The following SLC9B1 variants were observed in gnomAD, a reference collection of about 807,000 sequenced individuals.
SLC9B1 encodes the protein solute carrier family 9 member B1.
A neutral mutation model predicts 51.7 loss-of-function variants in SLC9B1; 32 were observed. That is an observed-to-expected ratio of 0.62 (90% confidence interval 0.47 to 0.83). The LOEUF (loss-of-function observed/expected upper bound fraction) is 0.83, where lower values mean the gene tolerates loss of function less well. Ranked by LOEUF, SLC9B1 falls within the 40% of genes least tolerant of loss-of-function variation. The pLI is 0.00. For synonymous variants in SLC9B1, 145 were observed against 212.7 expected (o/e 0.68, Z 2.77); for missense variants, 406 against 613.2 (o/e 0.66, Z 3.57).
chr4:103,019,392 G>C (rs1459150386), intron 1 of SLC9B1, among the ~76,000 whole-genome samples: 1 of 152,220 alleles, frequency 6.6e-6, no homozygotes, highest in Non-Finnish European at 1.5e-5. Context: ...AGAGATGTGG[G>C]ATGACGGAGT....
chr4:102,965,134 A>C (rs1738354467), intron 3 of SLC9B1, among the ~76,000 whole-genome samples: 1 of 152,188 alleles, frequency 6.6e-6, no homozygotes, highest in Non-Finnish European at 1.5e-5. Context: ...CAGTACAAAG[A>C]TGAAATAAAG....
intron 1 of SLC9B1, among the ~76,000 whole-genome samples, chr4:102,992,486 C>T (rs917776763): frequency 6.6e-6 from 1 of 152,058 alleles, no homozygotes; most frequent in Admixed American, 6.5e-5. Context: ...AAAAGGAAAA[C>T]AATTTTAATA....
At chr4:102,946,201 A>G (rs1157069899) in intron 5 of SLC9B1, among the ~76,000 whole-genome samples, 1 of 152,246 alleles carries the variant, frequency 6.6e-6, no homozygotes. Context: ...AAGACCTTAC[A>G]ACACAGTCAA....
intron 6 of SLC9B1, among the ~76,000 whole-genome samples, chr4:102,939,327 T>C (rs376315900): frequency 2.7e-5 from 4 of 146,074 alleles, no homozygotes; most frequent in East Asian, 2.0e-4. Flanking sequence ...TTCCCAAGAT[T>C]GAACTAGGAA....
At chr4:102,955,835 AAGAG>A (rs200790469) in intron 3 of SLC9B1, among the ~76,000 whole-genome samples, 56 of 137,782 alleles carry the variant, frequency 4.1e-4, no homozygotes, top group South Asian at 6.9e-4. Context: ...GGAAGAAAGA[AAGAG>A]AGAGAGAAAG....
Position 102,937,260 on chromosome 4 carries a change from AC to A in SLC9B1, c.654-4962del, listed in dbSNP as rs547435338. Among the ~76,000 whole-genome samples the A allele has an allele frequency of 4.1e-3, 613 of 150,952 alleles. 3 individuals are homozygous for A. The highest frequency in any genetic ancestry group is 0.011 in the African/African-American group (456 of 41,180). On this transcript the variant is annotated intron_variant, in intron 6 of 11. Coordinates refer to ENST00000296422, the MANE Select transcript of SLC9B1 (RefSeq NM_139173.4). The stretch of plus-strand genomic sequence containing the variant: ...TGGGACTACAGGTGCGCACCACAAC[AC>A]CTGGCAATTTTTTGTAATTTTAGTA...
At chr4:102,908,072 T>G (rs1229630801) in intron 9 of SLC9B1, among the ~76,000 whole-genome samples, 7 of 152,288 alleles carry the variant, frequency 4.6e-5, no homozygotes, top group African/African-American at 1.7e-4. Context: ...AAAGAATATG[T>G]GTAGGAACAG....
intron 6 of SLC9B1, 111 bp downstream of exon 6, chr4:102,945,082 T>C (rs1328567565): frequency 1.6e-6 from 2 of 1,215,852 alleles, no homozygotes; most frequent in Non-Finnish European, 2.2e-6. Flanking sequence ...ATTTTAACAC[T>C]GAAACGAATT....
intron 7 of SLC9B1, among the ~76,000 whole-genome samples, chr4:102,925,896 C>T (rs1032404018): frequency 1.3e-5 from 2 of 152,130 alleles, no homozygotes; most frequent in African/African-American, 4.8e-5. Flanking sequence ...AGCTTATCCA[C>T]CACGATCAAG....
chr4:102,986,775 G>T (rs1416171164), intron 3 of SLC9B1, among the ~76,000 whole-genome samples: 1 of 152,036 alleles, frequency 6.6e-6, no homozygotes, highest in Admixed American at 6.6e-5. Context: ...CCCATCAAAG[G>T]CATTCTTCAT....
intron 1 of SLC9B1, among the ~76,000 whole-genome samples, chr4:103,011,986 C>G (rs1741108540): frequency 2.0e-5 from 3 of 152,238 alleles, no homozygotes; most frequent in Non-Finnish European, 4.4e-5. Flanking sequence ...CCATACTAAT[C>G]TGCTTATCAA....
At chr4:102,911,220 C>T (rs1188999589) in intron 8 of SLC9B1, among the ~76,000 whole-genome samples, 1 of 152,058 alleles carries the variant, frequency 6.6e-6, no homozygotes, top group Non-Finnish European at 1.5e-5. Context: ...TTTGATATTC[C>T]TTATTTGCCA....
At chr4:102,908,384 G>T (rs1416161927) in intron 9 of SLC9B1, among the ~76,000 whole-genome samples, 1 of 52,958 alleles carries the variant, frequency 1.9e-5, no homozygotes. Context: ...ATGTGTGTGT[G>T]TATAGATATA....
At position 102,885,207 on chromosome 4, in the gene SLC9B1, C is replaced by CA. The variant is rs1560905747; in HGVS notation, c.*25dup. ...AGCACTGCAGATTCTGACACATCTA[C>CA]ATGTTTAGTTTCAGAATGGCTTCGG... On this transcript the variant is annotated 3_prime_UTR_variant, in exon 12 of 12. Transcript: ENST00000394789. 9 of 1,608,924 alleles carry CA rather than the reference C, an allele frequency of 5.6e-6. No individual in the cohort carries two copies. The highest frequency in any genetic ancestry group is 6.8e-6 in the Non-Finnish European group (8 of 1,175,408).
intron 11 of SLC9B1, chr4:102,890,203 G>A (rs867480356): frequency 2.7e-4 from 41 of 152,276 alleles, no homozygotes; most frequent in South Asian, 6.2e-4. Flanking sequence ...TGCCAAATAC[G>A]ATGATTCATT....
chr4:102,936,446 G>A (rs1398273415), intron 6 of SLC9B1, among the ~76,000 whole-genome samples: 1 of 152,106 alleles, frequency 6.6e-6, no homozygotes, highest in Non-Finnish European at 1.5e-5. Context: ...AATCTGGATA[G>A]AAACAAAGAT....
chr4:102,920,640 C>T (rs545469027), intron 7 of SLC9B1, among the ~76,000 whole-genome samples: 346 of 152,138 alleles, frequency 2.3e-3, no homozygotes, highest in Admixed American at 4.3e-3. Context: ...TGGAACCCAT[C>T]GCAAGGAAGG....
At chr4:103,008,384 G>A (rs1740903337) in intron 1 of SLC9B1, among the ~76,000 whole-genome samples, 2 of 151,290 alleles carry the variant, frequency 1.3e-5, no homozygotes, top group South Asian at 4.2e-4. Flanking sequence ...ATTGTAAAAA[G>A]AACTGGGCAA....
At chr4:102,885,231 G>A (rs146299528) in exon 12 of SLC9B1, 12 of 1,613,966 alleles carry the variant, frequency 7.4e-6, no homozygotes, top group African/African-American at 2.7e-5. Context: ...GAATGGCTTC[G>A]GTTATTGCCT....
Sources: allele counts gnomAD v4.1 joint callset (sites outside exome capture counted in the v4.1 genomes callset), GRCh38; gene constraint gnomAD v4.1.1; transcripts MANE v1.5; gene names NCBI Gene and HGNC (gene_info 2026-07-23, HGNC 2026-07-21).